PTPN13: variants seen among roughly 807,000 people sequenced by gnomAD.
The protein encoded by PTPN13 is tyrosine-protein phosphatase non-receptor type 13.
In PTPN13, 191 loss-of-function variants were observed where a neutral mutation model predicts 284.0. The observed-to-expected ratio is 0.67, with a 90% confidence interval of 0.60 to 0.76. The LOEUF (loss-of-function observed/expected upper bound fraction) is 0.76. Among genes scored for constraint, PTPN13 ranks in the 30% least tolerant of loss-of-function variants. The pLI is 0.00. For missense variants in PTPN13, 2,797 were observed against 2,939.9 expected (o/e 0.95, Z 1.12); for synonymous variants, 986 against 1,022.3 (o/e 0.96, Z 0.68).
At chr4:86,719,181 C>T (rs1733370044) in intron 9 of PTPN13, among the ~76,000 whole-genome samples, 1 of 152,108 alleles carries the variant, frequency 6.6e-6, no homozygotes, top group Non-Finnish European at 1.5e-5. Flanking sequence ...TCTTTGTGTT[C>T]AGAAGTTCTT....
intron 23 of PTPN13, among the ~76,000 whole-genome samples, chr4:86,762,203 CCT>C (rs1261558621): frequency 6.6e-6 from 1 of 152,170 alleles, no homozygotes; most frequent in Non-Finnish European, 1.5e-5. Flanking sequence ...GAACTCCTGG[CCT>C]CAAGTGATCT....
intron 2 of PTPN13, among the ~76,000 whole-genome samples, chr4:86,637,700 A>G (rs1723195661): frequency 6.8e-6 from 1 of 147,786 alleles, no homozygotes. Context: ...AGAGCTATCT[A>G]TGACAAACCC....
chr4:86,733,775 T>C (rs1735204692), intron 12 of PTPN13, among the ~76,000 whole-genome samples: 1 of 152,152 alleles, frequency 6.6e-6, no homozygotes, highest in Non-Finnish European at 1.5e-5. Flanking sequence ...CTTTTATTTG[T>C]AGAGAGTAAA....
rs1261981128 is a variant in PTPN13, at chr4:86,613,523, A to G, written c.-6+18734A>G. ...GTGACGGGCGCCTGTAATCCCAGCT[A>G]CTAGAGAGGCTGAGGCAGGGGAATG... On this transcript the variant is annotated intron_variant, in intron 1 of 47. Transcript: ENST00000411767. Among the ~76,000 whole-genome samples, 4 of 151,934 alleles carry G rather than the reference A, an allele frequency of 2.6e-5. No homozygotes were observed. In the East Asian group the frequency reaches 5.8e-4, roughly 22 times the overall value.
At chr4:86,634,547 A>T (rs886550996) in intron 1 of PTPN13, among the ~76,000 whole-genome samples, 4 of 152,160 alleles carry the variant, frequency 2.6e-5, no homozygotes, top group Admixed American at 1.3e-4. Flanking sequence ...AGAATCATAT[A>T]TCAAAGCATG....
intron 1 of PTPN13, among the ~76,000 whole-genome samples, chr4:86,598,326 G>A (rs1010753145): frequency 2.0e-5 from 3 of 151,922 alleles, no homozygotes; most frequent in Non-Finnish European, 4.4e-5. Flanking sequence ...TATATTTTTA[G>A]TAGAGACGAG....
At chr4:86,743,719 A>G (rs1736419329) in intron 16 of PTPN13, among the ~76,000 whole-genome samples, 1 of 152,198 alleles carries the variant, frequency 6.6e-6, no homozygotes, top group South Asian at 2.1e-4. Flanking sequence ...AGTCCATTGA[A>G]AAATTTATAA....
chr4:86,674,502 A>T (rs910912999), intron 3 of PTPN13, among the ~76,000 whole-genome samples: 1 of 152,190 alleles, frequency 6.6e-6, no homozygotes, highest in African/African-American at 2.4e-5. Flanking sequence ...AGCTAAAGGA[A>T]GGCATCTTGA....
At chr4:86,668,267 C>A (rs561648456) in intron 2 of PTPN13, among the ~76,000 whole-genome samples, 35 of 152,098 alleles carry the variant, frequency 2.3e-4, no homozygotes, top group Non-Finnish European at 4.6e-4. Context: ...TTTAAATATT[C>A]TTTTGTTAGC....
intron 7 of PTPN13, among the ~76,000 whole-genome samples, chr4:86,707,027 CT>C (rs1731848192): frequency 6.6e-6 from 1 of 152,128 alleles, no homozygotes; most frequent in Non-Finnish European, 1.5e-5. Flanking sequence ...ATGTCTCTTT[CT>C]GTCTTTCTTG....
In PTPN13 at chr4:86,800,580, A is replaced by C. The variant is rs377622016; in HGVS notation, c.6505+1376A>C. On this transcript the variant is annotated intron_variant, in intron 42 of 47. Coordinates refer to ENST00000411767, the MANE Select transcript of PTPN13 (RefSeq NM_080683.3). The stretch of plus-strand genomic sequence containing the variant: ...GACAGGAGAATCGCTTGAACCCCAG[A>C]GGCAGAGGTTGCAATGAGCCGAGAT... Among the ~76,000 whole-genome samples, 9 of 152,092 alleles carry C rather than the reference A, an allele frequency of 5.9e-5. No homozygotes were observed. The East Asian group carries it at 1.4e-3, about 23-fold the overall frequency.
At position 86,766,480 on chromosome 4, in the gene PTPN13, A is replaced by C; in HGVS notation, c.4292A>C (p.His1431Pro). 1 of 1,610,244 alleles carries C rather than the reference A, an allele frequency of 6.2e-7. No individual in the cohort carries two copies. ...VNGVSLEGAT[H>P]KQAVETLRNT... ...GGAGTTAGTCTAGAAGGAGCCACCC[A>C]TAAGCAAGCTGTGGAAACACTGAGA... Residue 1431 changes from histidine (H) to proline (P), a missense_variant, in exon 27 of 48, where the codon CAT becomes CCT. Physicochemically the swap from His to Pro is moderately conservative, Grantham distance 77 (BLOSUM62 -2). Transcript: ENST00000411767.
chr4:86,669,482 C>A (rs899804562), intron 2 of PTPN13, among the ~76,000 whole-genome samples: 5 of 151,934 alleles, frequency 3.3e-5, no homozygotes, highest in African/African-American at 1.2e-4. Context: ...AAACAAAATA[C>A]AACTTAATAA....
chr4:86,649,069 ATTAT>A (rs1220409670), intron 2 of PTPN13, among the ~76,000 whole-genome samples: 1 of 151,734 alleles, frequency 6.6e-6, no homozygotes, highest in Non-Finnish European at 1.5e-5. Context: ...TTTTAATGGG[ATTAT>A]TTGTTTTTTT....
chr4:86,610,686 A>G (rs560625106), intron 1 of PTPN13, among the ~76,000 whole-genome samples: 1 of 152,314 alleles, frequency 6.6e-6, no homozygotes, highest in East Asian at 1.9e-4. Flanking sequence ...AAACGTTGGA[A>G]TGCAAATTTA....
At chr4:86,680,047 A>G (rs1248832591) in intron 3 of PTPN13, among the ~76,000 whole-genome samples, 1 of 152,200 alleles carries the variant, frequency 6.6e-6, no homozygotes, top group Non-Finnish European at 1.5e-5. Flanking sequence ...GGTGTTAATA[A>G]TAGTACTTAC....
At position 86,741,616 on chromosome 4, in the gene PTPN13, A is replaced by G; in HGVS notation, c.2305-18A>G. 6.2e-7 allele frequency: 1 copy of G among 1,601,548 alleles called. No homozygotes were observed. The highest frequency in any genetic ancestry group is 8.6e-7 in the Non-Finnish European group (1 of 1,169,480). On this transcript the variant is annotated intron_variant, in intron 15 of 47. Coordinates refer to ENST00000411767, the MANE Select transcript of PTPN13 (RefSeq NM_080683.3). Reference sequence around the variant, plus strand: ...ATTTACCAAAGTGTATTGCTATGGTATGGTATTATTCCAACAGGTCTGCCA... The same window carrying G: ...ATTTACCAAAGTGTATTGCTATGGTGTGGTATTATTCCAACAGGTCTGCCA...
At chr4:86,646,949 AG>A (rs1475168818) in intron 2 of PTPN13, among the ~76,000 whole-genome samples, 6 of 152,246 alleles carry the variant, frequency 3.9e-5, no homozygotes, top group Non-Finnish European at 7.3e-5. Flanking sequence ...TGTTGAGTGA[AG>A]GAAGTCAGAC....
intron 3 of PTPN13, among the ~76,000 whole-genome samples, chr4:86,675,838 C>T (rs1578392991): frequency 1.3e-5 from 2 of 151,976 alleles, no homozygotes; most frequent in Admixed American, 6.6e-5. Flanking sequence ...CCTTTGAAAT[C>T]GGTTTGATGG....
Sources: allele counts gnomAD v4.1 joint callset (sites outside exome capture counted in the v4.1 genomes callset), GRCh38; gene constraint gnomAD v4.1.1; transcripts MANE v1.5; gene names NCBI Gene and HGNC (gene_info 2026-07-23, HGNC 2026-07-21).